CHST6: variants seen among roughly 807,000 people sequenced by gnomAD.
CHST6 encodes the protein carbohydrate sulfotransferase 6.
For missense variants in CHST6, 698 were observed against 586.2 expected (o/e 1.19, Z -1.97); for synonymous variants, 309 against 276.4 (o/e 1.12, Z -1.17).
rs750212631 is a variant in CHST6, at chr16:75,478,628, A to T, written c.*13T>A. The T allele has an allele frequency of 3.7e-6, 6 of 1,612,018 alleles. No individual in the cohort carries two copies. Among genetic ancestry groups the T allele is most frequent in the Non-Finnish European group, 5.1e-6 (6 of 1,179,094 alleles). On this transcript the variant is annotated 3_prime_UTR_variant, in exon 3 of 3. Coordinates refer to ENST00000332272, the MANE Select transcript of CHST6 (RefSeq NM_021615.5). ...CCTCCCGGGCCTAGCGCCTGCTACA[A>T]CTGTGGCCTCCACTAATTTCGGGGG...
At chr16:75,481,181 T>A (rs2080137958) in intron 2 of CHST6, among the ~76,000 whole-genome samples, 1 of 151,358 alleles carries the variant, frequency 6.6e-6, no homozygotes, top group Non-Finnish European at 1.5e-5. Context: ...GAGGCTGAGG[T>A]GGGAGGACTG....
intron 1 of CHST6, among the ~76,000 whole-genome samples, chr16:75,494,660 G>A (rs56995694): frequency 0.077 from 11,651 of 152,240 alleles, 1,499 homozygotes; most frequent in African/African-American, 0.27. Flanking sequence ...GCTTTTGAAA[G>A]TCATGTCCTT....
rs1328116765 is a variant in CHST6 at position 75,495,040 on chromosome 16, C to G, written c.-192G>C. ...TCCCAAACGTCGTCTCTTCCAAATT[C>G]CACCGCACAGCCAGCTCTTTCTCTT... is the stretch of plus-strand genomic sequence containing the variant. On this transcript the variant is annotated 5_prime_UTR_variant, in exon 1 of 3. Transcript: ENST00000332272. 6.6e-6 allele frequency: 1 copy of G among 152,584 alleles called. No homozygotes were observed. Among genetic ancestry groups the G allele is most frequent in the Non-Finnish European group, 1.5e-5 (1 of 68,338 alleles). 9.5% of individuals were successfully genotyped at this position (152,584 alleles called of 1,614,324 possible). A position where few individuals can be genotyped will look rare whatever the true frequency, so the allele number is the denominator to read the frequency against.
In CHST6 at chr16:75,479,818, G is replaced by C. The variant is rs750713155; in HGVS notation, c.11C>G (p.Pro4Arg). The C allele has an allele frequency of 1.3e-6, 2 of 1,559,368 alleles. No homozygotes were observed. Among genetic ancestry groups the C allele is most frequent in the Non-Finnish European group, 1.7e-6 (2 of 1,154,276 alleles). The change falls in exon 3 of 3, where the codon CCG (proline) becomes CGG (arginine). Residue 4 changes from proline (P) to arginine (R), a missense_variant. By Grantham distance (103) the Pro-to-Arg change is moderately radical. Transcript: ENST00000332272. Reference protein sequence around the residue: MWLPRVSSTAVTAL... With the variant: MWLRRVSSTAVTAL... Reference sequence around the variant, plus strand: ...GGTCACTGCTGTGCTGGAGACGCGCGGCAGCCACATGCTGACTGCTGGGGG... The same window carrying C: ...GGTCACTGCTGTGCTGGAGACGCGCCGCAGCCACATGCTGACTGCTGGGGG...
At position 75,488,490 on chromosome 16, in the gene CHST6, A is replaced by AC. The variant is rs1257089341; in HGVS notation, c.-92+6449_-92+6450insG. Among the ~76,000 whole-genome samples the AC allele has an allele frequency of 2.6e-5, 4 of 151,750 alleles. No individual in the cohort carries two copies. In the East Asian group the frequency reaches 7.8e-4, roughly 30 times the overall value. On this transcript the variant is annotated intron_variant, in intron 1 of 2. Coordinates refer to ENST00000332272, the MANE Select transcript of CHST6 (RefSeq NM_021615.5). ...GTCACAAGGAGAAAAAAAAAAAAAA[A>AC]AGAATCCCAAAGGCTGGAAAAAACA...
At position 75,479,411 on chromosome 16, in the gene CHST6, G is replaced by A. The variant is rs757912368; in HGVS notation, c.418C>T (p.Arg140Ter). The A allele has an allele frequency of 1.8e-5, 29 of 1,612,864 alleles. No individual in the cohort carries two copies. The highest frequency in any genetic ancestry group is 2.4e-5 in the Non-Finnish European group (28 of 1,179,816). Residue 140 changes from arginine (R) to a stop codon, truncating the protein, a stop_gained, in exon 3 of 3, where the codon CGA (arginine) becomes TGA (stop). Transcript: ENST00000332272. LOFTEE classifies it low-confidence loss of function (END_TRUNC). ...ACGGCCTCGCTGCTGATGGCGCCTC[G>A]GGGAAAGGCACTGCAGGCGGGTGGC... ...CSPPACSAFP[R>*]GAISSEAVCK...
At chr16:75,493,263 C>T (rs956659298) in intron 1 of CHST6, among the ~76,000 whole-genome samples, 3 of 152,022 alleles carry the variant, frequency 2.0e-5, no homozygotes, top group African/African-American at 7.3e-5. Flanking sequence ...GTAATCCCAG[C>T]ACTTTGCGAG....
chr16:75,489,414 A>AG (rs2080234458), intron 1 of CHST6, among the ~76,000 whole-genome samples: 3 of 151,566 alleles, frequency 2.0e-5, no homozygotes, highest in African/African-American at 7.3e-5. Flanking sequence ...AAAAAAAAAA[A>AG]AAAAAGAAAA....
rs2080082366 is a variant in CHST6 at position 75,477,806 on chromosome 16, G to C, written c.*835C>G. On this transcript the variant is annotated 3_prime_UTR_variant, in exon 3 of 3. Transcript: ENST00000332272. ...TCCAACCTCTTGGCAAGCCTGATGA[G>C]TTCCACTCCCCGCTGACGGGCACAC... 6.5e-6 allele frequency: 1 copy of C among 152,882 alleles called. No homozygotes were observed. The highest frequency in any genetic ancestry group is 1.5e-5 in the Non-Finnish European group (1 of 68,592). The allele number at this position is 152,882 out of a possible 1,614,324, so 9.5% of individuals were successfully genotyped here. A position where few individuals can be genotyped will look rare whatever the true frequency, so the allele number is the denominator to read the frequency against.
In CHST6 at chr16:75,479,112, C is replaced by G; in HGVS notation, c.717G>C (p.Leu239=). The change falls in exon 3 of 3, where the codon CTG becomes CTC. Residue 239 remains leucine, a synonymous_variant. Coordinates refer to ENST00000332272, the MANE Select transcript of CHST6 (RefSeq NM_021615.5). ...NGTWVEADPG[L]RVVREVCRSH... is the part of the protein sequence containing the mutation. Reference sequence around the variant, plus strand: ...TACGGCACACCTCGCGCACCACGCGCAGGCCGGGGTCGGCCTCCACCCACG... The same window carrying G: ...TACGGCACACCTCGCGCACCACGCGGAGGCCGGGGTCGGCCTCCACCCACG... 6.2e-7 allele frequency: 1 copy of G among 1,605,216 alleles called. No individual in the cohort carries two copies. Among genetic ancestry groups the G allele is most frequent in the Non-Finnish European group, 8.5e-7 (1 of 1,178,686 alleles).
chr16:75,483,058 G>A (rs898507152), intron 1 of CHST6, among the ~76,000 whole-genome samples: 1 of 152,230 alleles, frequency 6.6e-6, no homozygotes, highest in African/African-American at 2.4e-5. Context: ...AGTGCTAGGT[G>A]CTTCAAGTCC....
At chr16:75,482,043 T>A (rs1005731220) in intron 1 of CHST6, among the ~76,000 whole-genome samples, 152 bp from the exon 2 acceptor site, 1 of 152,116 alleles carries the variant, frequency 6.6e-6, no homozygotes, top group African/African-American at 2.4e-5. Context: ...TGCAAACACC[T>A]ATGAAGAGGG....
intron 1 of CHST6, among the ~76,000 whole-genome samples, chr16:75,485,247 A>G (rs969150187): frequency 1.4e-4 from 21 of 152,206 alleles, no homozygotes; most frequent in Non-Finnish European, 2.6e-4. Context: ...TTTTTTTGAC[A>G]TTAACTCTTT....
chr16:75,478,637 T>C lies in CHST6; in HGVS notation c.*4A>G, dbSNP rs753038945. ...CCTAGCGCCTGCTACAACTGTGGCC[T>C]CCACTAATTTCGGGGGTGCGAGGCG... On this transcript the variant is annotated 3_prime_UTR_variant, in exon 3 of 3. Transcript: ENST00000332272. 2 of 1,613,036 alleles carry C rather than the reference T, an allele frequency of 1.2e-6. No homozygotes were observed. Among genetic ancestry groups the C allele is most frequent in the East Asian group, 2.2e-5 (1 of 44,854 alleles).
Position 75,472,946 on chromosome 16 carries a change from A to G in CHST6, c.*5695T>C. 6.6e-6 allele frequency: 1 copy of G among 152,146 alleles called. No individual in the cohort carries two copies. The highest frequency in any genetic ancestry group is 1.5e-5 in the Non-Finnish European group (1 of 68,058). 9.4% of individuals were successfully genotyped at this position (152,146 alleles called of 1,614,324 possible). ...CTAATTGTGGGTGACTGCTGGGCCT[A>G]GACACTTCTAGCTGCATCACAGGGC... On this transcript the variant is annotated 3_prime_UTR_variant, in exon 3 of 3. Transcript: ENST00000332272.
rs2080099321 is a variant in CHST6 at position 75,478,891 on chromosome 16, C to A, written c.938G>T (p.Gly313Val). 1 of 1,613,390 alleles carries A rather than the reference C, an allele frequency of 6.2e-7. No homozygotes were observed. The change falls in exon 3 of 3, where the codon GGT becomes GTT. Residue 313 changes from glycine to valine, a missense_variant. Gly to Val is a moderately radical substitution (Grantham distance 109, BLOSUM62 -3). Coordinates refer to ENST00000332272, the MANE Select transcript of CHST6 (RefSeq NM_021615.5). Reference protein sequence around the residue: ...IHNITHGSGPGARREAFKTSS... With the variant: ...IHNITHGSGPVARREAFKTSS... ...AGTCTTGAAGGCTTCGCGGCGCGCACCAGGTCCAGATCCGTGGGTGATGTT... is the reference window on the plus strand; with the variant it reads ...AGTCTTGAAGGCTTCGCGGCGCGCAACAGGTCCAGATCCGTGGGTGATGTT...
At chr16:75,486,271 A>G (rs1385629577) in intron 1 of CHST6, among the ~76,000 whole-genome samples, 1 of 152,232 alleles carries the variant, frequency 6.6e-6, no homozygotes, top group Non-Finnish European at 1.5e-5. Context: ...GTTTTTCGCA[A>G]GCGAACACCT....
In CHST6 at chr16:75,478,454, G is replaced by A. The variant is rs1040304055; in HGVS notation, c.*187C>T. ...CACCTGATGAGAAGGCAGCTCCAGA[G>A]GACTCAAAGGAAAACCAAGAATCAA... On this transcript the variant is annotated 3_prime_UTR_variant, in exon 3 of 3. Coordinates refer to ENST00000332272, the MANE Select transcript of CHST6 (RefSeq NM_021615.5). The A allele has an allele frequency of 6.3e-6, 4 of 638,864 alleles. No individual in the cohort carries two copies. Among genetic ancestry groups the A allele is most frequent in the African/African-American group, 1.8e-5 (1 of 54,934 alleles). 39.6% of individuals were successfully genotyped at this position (638,864 alleles called of 1,614,324 possible). A position where few individuals can be genotyped will look rare whatever the true frequency, so the allele number is the denominator to read the frequency against.
chr16:75,489,575 T>G (rs2080235920), intron 1 of CHST6, among the ~76,000 whole-genome samples: 1 of 152,004 alleles, frequency 6.6e-6, no homozygotes, highest in African/African-American at 2.4e-5. Context: ...TTCTCCCATC[T>G]GTGTGTGTTC....
Sources: gnomAD v4.1 joint callset for allele counts (sites outside exome capture counted in the v4.1 genomes callset) on GRCh38, gnomAD v4.1.1 for gene constraint, MANE v1.5 for transcripts, NCBI Gene and HGNC (gene_info 2026-07-23, HGNC 2026-07-21) for gene names.